The following RSL1D1 variants were observed in gnomAD, a reference collection of about 807,000 sequenced individuals.
The protein encoded by RSL1D1 is ribosomal L1 domain-containing protein 1.
Under a neutral mutation model 44.6 loss-of-function variants are expected in RSL1D1, and 34 were observed. The ratio of observed to expected loss-of-function variants is 0.76; its 90% CI spans 0.58 to 1.02. The LOEUF (loss-of-function observed/expected upper bound fraction) is 1.02. Among genes scored for constraint, RSL1D1 ranks in the 50% least tolerant of loss-of-function variants. The probability of loss-of-function intolerance (pLI) is 0.00; values close to 1 mark genes in which losing one functional copy is unlikely to be tolerated. For synonymous variants in RSL1D1, 271 were observed against 207.4 expected, an observed-to-expected ratio of 1.31 and a Z score of -2.63; for missense variants, 767 against 568.1, an observed-to-expected ratio of 1.35 and a Z score of -3.56.
intron 1 of RSL1D1, chr16:11,851,062 G>A (rs531937782): frequency 1.6e-5 from 6 of 373,218 alleles, no homozygotes; most frequent in Non-Finnish European, 2.6e-5. Flanking sequence ...CCTGGATAAC[G>A]GGGAGCCGAA....
In RSL1D1 at chr16:11,851,434, C is replaced by A; in HGVS notation, c.79G>T (p.Ala27Ser). ...TGTTCTTTATCCAGCTGCTTCCGTG[C>A]TGTCGGGGCCGCTGGAGTCGAGGTG... Reference protein sequence around the residue: ...TSTSTPAAPTARKQLDKEQVR... With the variant: ...TSTSTPAAPTSRKQLDKEQVR... Residue 27 changes from alanine to serine, a missense_variant, in exon 1 of 9, where the codon GCA becomes TCA. Transcript: ENST00000571133. 1 of 1,614,106 alleles carries A rather than the reference C, an allele frequency of 6.2e-7. No homozygotes were observed. Among genetic ancestry groups the A allele is most frequent in the Non-Finnish European group, 8.5e-7 (1 of 1,179,956 alleles).
chr16:11,841,507 C>T, intron 7 of RSL1D1, 188 bp downstream of exon 7: 1 of 541,348 alleles, frequency 1.8e-6, no homozygotes, highest in Non-Finnish European at 3.3e-6. Context: ...GCATTACTAA[C>T]ATCAACTACC....
Position 11,846,557 on chromosome 16 carries a change from C to A in RSL1D1, c.579G>T (p.Glu193Asp). 7 of 1,608,178 alleles carry A rather than the reference C, an allele frequency of 4.4e-6. No individual in the cohort carries two copies. The highest frequency in any genetic ancestry group is 5.9e-6 in the Non-Finnish European group (7 of 1,177,560). Residue 193 changes from glutamate to aspartate, a missense_variant, in exon 5 of 9, where the codon GAG (glutamate) becomes GAT (aspartate). Physicochemically the swap from Glu to Asp is conservative, Grantham distance 45. Coordinates refer to ENST00000571133, the MANE Select transcript of RSL1D1 (RefSeq NM_015659.3). ...CTGTTCCACCTATACAGTCATTGAT[C>A]TCTCTTGATAAATTCTTGGACAGAA... Reference protein sequence around the residue: ...VNLLSKNLSREINDCIGGTVL... With the variant: ...VNLLSKNLSRDINDCIGGTVL...
chr16:11,841,732 T>G lies in RSL1D1; in HGVS notation c.818A>C (p.Glu273Ala). 1.2e-6 allele frequency: 2 copies of G among 1,613,812 alleles called. No individual in the cohort carries two copies. The highest frequency in any genetic ancestry group is 2.7e-5 in the African/African-American group (2 of 75,052). Residue 273 changes from glutamate (E) to alanine (A), a missense_variant, in exon 7 of 9, where the codon GAA (glutamate) becomes GCA (alanine). By Grantham distance (107) the Glu-to-Ala change is moderately radical. Transcript: ENST00000571133. ...ATTAAGCAAAGATCTTTTGGTGGCT[T>G]CATCCCAATTGCTGACAAACGAGGA... ...IFSSFVSNWD[E>A]ATKRSLLNKK...
chr16:11,838,195 G>T, intron 8 of RSL1D1, 82 bp from the exon 9 acceptor site: 3 of 1,169,564 alleles, frequency 2.6e-6, no homozygotes, highest in Non-Finnish European at 3.6e-6. Flanking sequence ...GTTTTTATTT[G>T]TATTTATTTA....
At chr16:11,839,631 G>A in intron 8 of RSL1D1, 64 bp downstream of exon 8, 1 of 1,581,666 alleles carries the variant, frequency 6.3e-7, no homozygotes, top group Non-Finnish European at 8.6e-7. Context: ...GCTCAGCACA[G>A]TACCTGCCTG....
At chr16:11,844,511 C>G (rs1199989855) in intron 5 of RSL1D1, among the ~76,000 whole-genome samples, 2 of 152,188 alleles carry the variant, frequency 1.3e-5, no homozygotes, top group African/African-American at 4.8e-5. Flanking sequence ...GGCTCCGTGA[C>G]CAACTCTTCT....
At chr16:11,841,119 G>T (rs2053761301) in intron 7 of RSL1D1, among the ~76,000 whole-genome samples, 1 of 152,186 alleles carries the variant, frequency 6.6e-6, no homozygotes, top group Non-Finnish European at 1.5e-5. Flanking sequence ...TCAAAAGCCA[G>T]TTAATCCAGG....
chr16:11,846,979 G>C, intron 3 of RSL1D1, 136 bp from the exon 4 acceptor site: 1 of 741,470 alleles, frequency 1.3e-6, no homozygotes, highest in Non-Finnish European at 2.2e-6. Context: ...ACACTTGAGG[G>C]CCTAAAATGT....
chr16:11,842,754 G>A (rs2053771242), intron 5 of RSL1D1, among the ~76,000 whole-genome samples: 1 of 150,692 alleles, frequency 6.6e-6, no homozygotes, highest in African/African-American at 2.4e-5. Context: ...ACATCATGAA[G>A]GGGTGACTTT....
In RSL1D1 at chr16:11,841,955, AATG is replaced by A; in HGVS notation, c.678_680del (p.Ile227del). 6.2e-7 allele frequency: 1 copy of A among 1,614,124 alleles called. No individual in the cohort carries two copies. The highest frequency in any genetic ancestry group is 2.2e-5 in the East Asian group (1 of 44,880). ...CTTTGGTGACAGCAACAATGTTTTCAATGATGTGCTCAATTTGCATTCCAACGT... is the reference window on the plus strand; with the variant it reads ...CTTTGGTGACAGCAACAATGTTTTCAATGTGCTCAATTTGCATTCCAACGT... On this transcript the variant is annotated inframe_deletion, in exon 6 of 9. Coordinates refer to ENST00000571133, the MANE Select transcript of RSL1D1 (RefSeq NM_015659.3).
In RSL1D1 at chr16:11,844,436, C is replaced by G. The variant is rs147349899; in HGVS notation, c.635+2065G>C. Among the ~76,000 whole-genome samples the G allele has an allele frequency of 2.0e-5, 3 of 152,282 alleles. No homozygotes were observed. The East Asian group carries it at 5.8e-4, about 29-fold the overall frequency. On this transcript the variant is annotated intron_variant, in intron 5 of 8. Transcript: ENST00000571133. ...GGTCCCATAAACAAGGCCTGAACTT[C>G]TAGCCAACCACTTCCATGAGCCACT... is the stretch of plus-strand genomic sequence containing the variant.
At position 11,843,778 on chromosome 16, in the gene RSL1D1, G is replaced by A. The variant is rs560920922; in HGVS notation, c.636-1778C>T. On this transcript the variant is annotated intron_variant, in intron 5 of 8. Transcript: ENST00000571133. The stretch of plus-strand genomic sequence containing the variant: ...CCCAGCTACTTGGGAGGCTGAGGCA[G>A]AAGAATGGTGTGAACCCGGCAGGCG... 4.3e-5 allele frequency among the ~76,000 whole-genome samples: 6 copies of A among 139,394 alleles called. No homozygotes were observed. In the East Asian group the frequency reaches 1.3e-3, roughly 31 times the overall value. The allele number at this position is 139,394 out of a possible 152,430, so 91.4% of individuals were successfully genotyped here.
intron 2 of RSL1D1, 46 bp downstream of exon 2, chr16:11,850,233 A>G (rs375194266): frequency 3.9e-5 from 59 of 1,528,636 alleles, no homozygotes; most frequent in Admixed American, 2.7e-4. Context: ...GTTACAAAGA[A>G]TAAACACACA....
intron 5 of RSL1D1, among the ~76,000 whole-genome samples, chr16:11,844,809 C>T (rs1351170670): frequency 6.6e-6 from 1 of 152,216 alleles, no homozygotes; most frequent in African/African-American, 2.4e-5. Context: ...AAGTGCAGTA[C>T]TTCATAAAAT....
intron 5 of RSL1D1, among the ~76,000 whole-genome samples, chr16:11,843,143 C>T (rs1312824093): frequency 1.3e-5 from 2 of 149,152 alleles, no homozygotes; most frequent in Non-Finnish European, 3.0e-5. Context: ...CCATGTTGGT[C>T]AGGCTGGTCT....
At chr16:11,843,763 T>A (rs761470212) in intron 5 of RSL1D1, among the ~76,000 whole-genome samples, 1 of 140,708 alleles carries the variant, frequency 7.1e-6, no homozygotes, top group Non-Finnish European at 1.5e-5. Context: ...CCCAGCTACT[T>A]GGGAGGCTGA....
chr16:11,840,334 G>C (rs546242521), intron 7 of RSL1D1, among the ~76,000 whole-genome samples: 2 of 151,390 alleles, frequency 1.3e-5, no homozygotes, highest in Admixed American at 1.3e-4. Flanking sequence ...GGGAGGCTGA[G>C]GCAGGAGGAT....
intron 1 of RSL1D1, among the ~76,000 whole-genome samples, chr16:11,850,688 T>C (rs1249390581): frequency 2.6e-5 from 4 of 152,206 alleles, no homozygotes; most frequent in South Asian, 2.1e-4. Flanking sequence ...CTTAAAGAGA[T>C]TGGGCTAGAG....
Sources: allele counts gnomAD v4.1 joint callset (sites outside exome capture counted in the v4.1 genomes callset), GRCh38; gene constraint gnomAD v4.1.1; transcripts MANE v1.5; gene names NCBI Gene and HGNC (gene_info 2026-07-23, HGNC 2026-07-21).